RSPH10B: variants seen among roughly 807,000 people sequenced by gnomAD.
The protein encoded by RSPH10B is radial spoke head 10 homolog B (Chlamydomonas).
In RSPH10B, 7 loss-of-function variants were observed where a neutral mutation model predicts 52.5. The ratio of observed to expected loss-of-function variants is 0.13; its 90% CI spans 0.08 to 0.25. The LOEUF is 0.25. Among genes scored for constraint, RSPH10B ranks in the 10% least tolerant of loss-of-function variants. RSPH10B has a pLI of 1.00. For synonymous variants in RSPH10B, 28 were observed against 193.2 expected (o/e 0.14, Z 7.09); for missense variants, 89 against 542.5 (o/e 0.16, Z 8.30).
intron 13 of RSPH10B, among the ~76,000 whole-genome samples, chr7:5,942,646 G>C (rs1780255478): frequency 6.7e-6 from 1 of 148,826 alleles, no homozygotes; most frequent in Admixed American, 6.9e-5. Flanking sequence ...TGGATCACCT[G>C]GGGTTGGGAG....
At chr7:5,933,673 T>C (rs2128624195) in intron 16 of RSPH10B, among the ~76,000 whole-genome samples, 1 of 133,654 alleles carries the variant, frequency 7.5e-6, no homozygotes, top group African/African-American at 2.7e-5. Context: ...GGCAGGAGAA[T>C]GGCGTGAACC....
At chr7:5,947,620 C>A (rs1307325233) in intron 10 of RSPH10B, among the ~76,000 whole-genome samples, 1 of 104,606 alleles carries the variant, frequency 9.6e-6, no homozygotes, top group African/African-American at 3.4e-5. Context: ...GAGGCTGAGG[C>A]AGGAGAGTCA....
chr7:5,943,118 T>C (rs1404746726), intron 13 of RSPH10B: 2 of 1,150,982 alleles, frequency 1.7e-6, no homozygotes, highest in African/African-American at 1.6e-5. Flanking sequence ...TGTTAGCATA[T>C]TGGGCAGGTG....
intron 9 of RSPH10B, among the ~76,000 whole-genome samples, chr7:5,950,583 AGG>A (rs1293695099): frequency 1.4e-5 from 2 of 148,028 alleles, no homozygotes; most frequent in African/African-American, 2.5e-5. Flanking sequence ...AAAAAAAAAA[AGG>A]AGCAATATTC....
At chr7:5,968,837 GTT>G (rs1257381392), upstream of RSPH10B, among the ~76,000 whole-genome samples, 3 of 42,326 alleles carry the variant, frequency 7.1e-5, no homozygotes, top group Non-Finnish European at 9.3e-5. Context: ...TTTTGGGTTT[GTT>G]TTTTTTTTTT....
At chr7:5,941,917 A>T (rs1780212632) in intron 13 of RSPH10B, among the ~76,000 whole-genome samples, 1 of 148,718 alleles carries the variant, frequency 6.7e-6, no homozygotes, top group Admixed American at 6.8e-5. Flanking sequence ...TTTGAGACAG[A>T]GTTCTGCTCT....
rs1256509290 is a variant in RSPH10B, at chr7:5,927,054, GTGTGTGTGTGTGTATA to G, written c.2433-522_2433-507del. 9.2e-4 allele frequency among the ~76,000 whole-genome samples: 71 copies of G among 77,190 alleles called. 2 individuals carry two copies. The highest frequency in any genetic ancestry group is 5.6e-3 in the Middle Eastern group (1 of 178). The allele number at this position is 77,190 out of a possible 152,430, so 50.6% of individuals were successfully genotyped here. On this transcript the variant is annotated intron_variant, in intron 18 of 18. Transcript: ENST00000337579. Reference sequence around the variant, plus strand: ...GTGTGTGTGTGTGTGTGTATTATGTGTGTGTGTGTGTGTATATGTGTGTGTGTGTGTGTGTGTGTGT... The same window carrying G: ...GTGTGTGTGTGTGTGTGTATTATGTGTGTGTGTGTGTGTGTGTGTGTGTGT...
intron 17 of RSPH10B, among the ~76,000 whole-genome samples, chr7:5,929,162 C>T (rs557462243): frequency 6.9e-6 from 1 of 145,598 alleles, no homozygotes; most frequent in Non-Finnish European, 1.5e-5. Context: ...CAGGCATGTA[C>T]CACCACACGA....
Position 5,928,329 on chromosome 7 carries a change from C to T in RSPH10B, c.2299G>A (p.Val767Ile), listed in dbSNP as rs143773756. The change falls in exon 18 of 19, where the codon GTC (valine) becomes ATC (isoleucine). Residue 767 changes from valine (V) to isoleucine (I), a missense_variant. By Grantham distance (29) the Val-to-Ile change is conservative. Transcript: ENST00000337579. The stretch of plus-strand genomic sequence containing the variant: ...TGAAAGAGCGTGTTCACAAAGAAGA[C>T]GTACATATTATTGACCCACGTGTTG... 2.8e-4 allele frequency: 448 copies of T among 1,613,104 alleles called. 1 individual carries two copies. Among genetic ancestry groups the T allele is most frequent in the Non-Finnish European group, 3.5e-4 (418 of 1,179,684 alleles).
upstream of RSPH10B, among the ~76,000 whole-genome samples, chr7:5,968,785 GC>G (rs1457622168): frequency 2.1e-4 from 12 of 58,248 alleles, 3 homozygotes; most frequent in African/African-American, 5.1e-4. Flanking sequence ...GGGATTACAG[GC>G]GTGAGTCACC....
At chr7:5,963,902 CAAA>C (rs529339716) in intron 3 of RSPH10B, among the ~76,000 whole-genome samples, 1 of 83,192 alleles carries the variant, frequency 1.2e-5, no homozygotes, top group African/African-American at 4.5e-5. Context: ...CCTGTCTCTA[CAAA>C]AAAAAAAAAA....
At chr7:5,970,632 C>T (rs1781278906), upstream of RSPH10B, 1 of 141,254 alleles carries the variant, frequency 7.1e-6, no homozygotes, top group Non-Finnish European at 1.6e-5. Context: ...CTCCAGGAGC[C>T]CAGAGACCTC....
At chr7:5,927,104 T>C (rs1447361371) in intron 18 of RSPH10B, among the ~76,000 whole-genome samples, 1 of 107,516 alleles carries the variant, frequency 9.3e-6, no homozygotes, top group African/African-American at 3.4e-5. Flanking sequence ...GTGTATTTTT[T>C]TTTTTGAGAT....
At chr7:5,927,050 ATGTGTGTGTG>A (rs755187713) in intron 18 of RSPH10B, among the ~76,000 whole-genome samples, 7 of 56,112 alleles carry the variant, frequency 1.2e-4, no homozygotes, top group African/African-American at 3.3e-4. Flanking sequence ...TGTGTGTATT[ATGTGTGTGTG>A]TGTGTGTATA....
chr7:5,958,958 A>G (rs759783248), intron 5 of RSPH10B, 35 bp downstream of exon 7: 5 of 1,323,506 alleles, frequency 3.8e-6, no homozygotes, highest in Non-Finnish European at 4.3e-6. Flanking sequence ...ACCCTTCTTC[A>G]TCTACACCCC....
At chr7:5,941,343 T>G (rs1051543683) in intron 13 of RSPH10B, among the ~76,000 whole-genome samples, 1 of 141,698 alleles carries the variant, frequency 7.1e-6, no homozygotes, top group African/African-American at 2.6e-5. Flanking sequence ...CACTAGGTTA[T>G]TATCCATTTT....
intron 1 of RSPH10B, among the ~76,000 whole-genome samples, 154 bp from the exon 4 acceptor site, chr7:5,965,866 G>C (rs544752908): frequency 8.6e-6 from 1 of 116,380 alleles, no homozygotes; most frequent in African/African-American, 3.4e-5. Flanking sequence ...AAGTAGAAGA[G>C]GTTACCAGGG....
At chr7:5,938,447 G>A (rs1404257462) in intron 14 of RSPH10B, among the ~76,000 whole-genome samples, 4 of 107,040 alleles carry the variant, frequency 3.7e-5, no homozygotes, top group African/African-American at 1.3e-4. Flanking sequence ...GCGTGGTGGC[G>A]GGCGCCTGTA....
intron 18 of RSPH10B, among the ~76,000 whole-genome samples, chr7:5,927,022 C>CGCGTGTGTGTGT (rs1554284429): frequency 1.0e-5 from 1 of 96,008 alleles, no homozygotes; most frequent in African/African-American, 4.8e-5. Flanking sequence ...CCCAAAGTTA[C>CGCGTGTGTGTGT]GTGTGTGTGT....
Sources: gnomAD v4.1 joint callset for allele counts (sites outside exome capture counted in the v4.1 genomes callset) on GRCh38, gnomAD v4.1.1 for gene constraint, MANE v1.5 for transcripts, NCBI Gene and HGNC (gene_info 2026-07-23, HGNC 2026-07-21) for gene names.